The following SMAD2 variants were observed in gnomAD, a reference collection of about 807,000 sequenced individuals.
SMAD2 encodes MAD homolog 2.
Under a neutral mutation model 64.4 loss-of-function variants are expected in SMAD2, and 8 were observed. The ratio of observed to expected loss-of-function variants is 0.12; its 90% CI spans 0.07 to 0.22. SMAD2 has a LOEUF of 0.22. SMAD2 is among the 10% of genes least tolerant of loss of function. The pLI is 1.00. For missense variants in SMAD2, 289 were observed against 561.2 expected (o/e 0.51, Z 4.90); for synonymous variants, 203 against 195.8 (o/e 1.04, Z -0.31).
chr18:47,848,935 ACTTTATGTTGGATT>A (rs1914805654), intron 7 of SMAD2, among the ~76,000 whole-genome samples: 1 of 152,142 alleles, frequency 6.6e-6, no homozygotes, highest in Non-Finnish European at 1.5e-5. Context: ...TCATTAAATC[ACTTTATGTTGGATT>A]CTTTGTTTTA....
chr18:47,904,396 C>A (rs1016135474), intron 1 of SMAD2, among the ~76,000 whole-genome samples: 1 of 151,706 alleles, frequency 6.6e-6, no homozygotes, highest in Non-Finnish European at 1.5e-5. Flanking sequence ...AACTTACTTG[C>A]CCATCTCCCA....
At position 47,840,284 on chromosome 18, in the gene SMAD2, G is replaced by A. The variant is rs576772434; in HGVS notation, c.*1543C>T. 8.6e-6 allele frequency: 2 copies of A among 232,952 alleles called. No homozygotes were observed. Among genetic ancestry groups the A allele is most frequent in the African/African-American group, 2.2e-5 (1 of 45,438 alleles). The allele number at this position is 232,952 out of a possible 1,614,324, so 14.4% of individuals were successfully genotyped here. ...AAAATATGAAAATTTATGAAAAGAC[G>A]ACCAGGAGTGGTTATTTTCCATTTC... On this transcript the variant is annotated 3_prime_UTR_variant, in exon 11 of 11. Coordinates refer to ENST00000262160, the MANE Select transcript of SMAD2 (RefSeq NM_005901.6).
At chr18:47,858,135 A>G (rs2030877093) in intron 6 of SMAD2, among the ~76,000 whole-genome samples, 2 of 152,168 alleles carry the variant, frequency 1.3e-5, no homozygotes, top group Admixed American at 1.3e-4. Context: ...TTAAAAAACA[A>G]GAGATATTCA....
chr18:47,840,020 T>G lies in SMAD2; in HGVS notation c.*1807A>C. 1 of 233,216 alleles carries G rather than the reference T, an allele frequency of 4.3e-6. No homozygotes were observed. Among genetic ancestry groups the G allele is most frequent in the Non-Finnish European group, 8.5e-6 (1 of 118,032 alleles). The allele number at this position is 233,216 out of a possible 1,614,324, so 14.4% of individuals were successfully genotyped here. The stretch of plus-strand genomic sequence containing the variant: ...GCAAAGGCAGGAACTGTAGTTGTCT[T>G]GTTCACCTTTACCCAAAGACTAAGA... On this transcript the variant is annotated 3_prime_UTR_variant, in exon 11 of 11. Coordinates refer to ENST00000262160, the MANE Select transcript of SMAD2 (RefSeq NM_005901.6).
intron 7 of SMAD2, among the ~76,000 whole-genome samples, chr18:47,850,206 AT>A (rs1418446304): frequency 1.1e-5 from 1 of 93,852 alleles, no homozygotes; most frequent in African/African-American, 4.2e-5. Flanking sequence ...GTATATATAT[AT>A]TATTATATAT....
rs529110031 is a variant in SMAD2, at chr18:47,813,807, G to C, written c.*28020C>G. 1 of 142,562 alleles carries C rather than the reference G, an allele frequency of 7.0e-6. No homozygotes were observed. The highest frequency in any genetic ancestry group is 2.3e-4 in the East Asian group (1 of 4,434). 8.8% of individuals were successfully genotyped at this position (142,562 alleles called of 1,614,324 possible). ...AATAATGGATACATTTGGAAGTGCA[G>C]AGCAAAGGCCAGAGAGATATCCAAG... is the stretch of plus-strand genomic sequence containing the variant. On this transcript the variant is annotated 3_prime_UTR_variant, in exon 11 of 11. Coordinates refer to ENST00000262160, the MANE Select transcript of SMAD2 (RefSeq NM_005901.6).
chr18:47,868,010 A>G (rs1265773658), intron 5 of SMAD2, among the ~76,000 whole-genome samples: 3 of 152,138 alleles, frequency 2.0e-5, no homozygotes, highest in Non-Finnish European at 2.9e-5. Flanking sequence ...TTTTGCTTAC[A>G]TTCTGCATCT....
rs186319823 is a variant in SMAD2 at position 47,912,138 on chromosome 18, G to A, written c.-53-15329C>T. The A allele has an allele frequency of 2.0e-5, 3 of 152,350 alleles. No individual in the cohort carries two copies. In the East Asian group the frequency reaches 5.8e-4, roughly 29 times the overall value. The allele number at this position is 152,350 out of a possible 1,614,324, so 9.4% of individuals were successfully genotyped here. On this transcript the variant is annotated intron_variant, in intron 1 of 10. Transcript: ENST00000262160. Reference sequence around the variant, plus strand: ...AGCATGTTTTCTAAAGACAGGAAACGTTTTAGGAGAGACGAAAAATTTAGG... The same window carrying A: ...AGCATGTTTTCTAAAGACAGGAAACATTTTAGGAGAGACGAAAAATTTAGG...
chr18:47,826,453 G>C lies in SMAD2; in HGVS notation c.*15374C>G, dbSNP rs1419227625. The C allele has an allele frequency of 1.3e-5, 2 of 152,220 alleles. No individual in the cohort carries two copies. The highest frequency in any genetic ancestry group is 2.9e-5 in the Non-Finnish European group (2 of 68,052). The allele number at this position is 152,220 out of a possible 1,614,324, so 9.4% of individuals were successfully genotyped here. ...AATGCTAGTTAGCATGAAGCATGCAGACATGAAAGGGAGTTATGGGATTGG... is the reference window on the plus strand; with the variant it reads ...AATGCTAGTTAGCATGAAGCATGCACACATGAAAGGGAGTTATGGGATTGG... On this transcript the variant is annotated 3_prime_UTR_variant, in exon 11 of 11. Coordinates refer to ENST00000262160, the MANE Select transcript of SMAD2 (RefSeq NM_005901.6).
chr18:47,868,777 T>C (rs889405126), intron 4 of SMAD2, among the ~76,000 whole-genome samples: 4 of 152,218 alleles, frequency 2.6e-5, no homozygotes, highest in African/African-American at 4.8e-5. Flanking sequence ...AAATCAGATA[T>C]AGGAAATTTT....
intron 2 of SMAD2, among the ~76,000 whole-genome samples, chr18:47,871,764 C>T (rs1017250033): frequency 6.6e-6 from 1 of 152,140 alleles, no homozygotes; most frequent in Non-Finnish European, 1.5e-5. Context: ...CAAAGATATA[C>T]TGATTTAAAA....
At chr18:47,897,191 T>C (rs181664595) in intron 1 of SMAD2, among the ~76,000 whole-genome samples, 14 of 152,288 alleles carry the variant, frequency 9.2e-5, no homozygotes, top group Middle Eastern at 3.4e-3. Flanking sequence ...CAAAAATACA[T>C]TGAAAATTTG....
rs953247378 is a variant in SMAD2 at position 47,824,804 on chromosome 18, A to G, written c.*17023T>C. ...CACCAAACTTAAATAGACTAATAACACAGATCTTCTGTGGTCCACAAATCA... is the reference window on the plus strand; with the variant it reads ...CACCAAACTTAAATAGACTAATAACGCAGATCTTCTGTGGTCCACAAATCA... On this transcript the variant is annotated 3_prime_UTR_variant, in exon 11 of 11. Coordinates refer to ENST00000262160, the MANE Select transcript of SMAD2 (RefSeq NM_005901.6). The G allele has an allele frequency of 6.6e-6, 1 of 152,202 alleles. No homozygotes were observed. The highest frequency in any genetic ancestry group is 6.5e-5 in the Admixed American group (1 of 15,290). The allele number at this position is 152,202 out of a possible 1,614,324, so 9.4% of individuals were successfully genotyped here. A position where few individuals can be genotyped will look rare whatever the true frequency, so the allele number is the denominator to read the frequency against.
rs1912739078 is a variant in SMAD2, at chr18:47,825,975, G to A, written c.*15852C>T. ...GCATTAATGTAAATGTTCACATTAAGAGAAAACGGTTTCCCTGAATTGAGT... is the reference window on the plus strand; with the variant it reads ...GCATTAATGTAAATGTTCACATTAAAAGAAAACGGTTTCCCTGAATTGAGT... On this transcript the variant is annotated 3_prime_UTR_variant, in exon 11 of 11. Transcript: ENST00000262160. 1 of 152,202 alleles carries A rather than the reference G, an allele frequency of 6.6e-6. No homozygotes were observed. The highest frequency in any genetic ancestry group is 2.1e-4 in the South Asian group (1 of 4,830). The allele number at this position is 152,202 out of a possible 1,614,324, so 9.4% of individuals were successfully genotyped here. A position where few individuals can be genotyped will look rare whatever the true frequency, so the allele number is the denominator to read the frequency against.
intron 1 of SMAD2, among the ~76,000 whole-genome samples, chr18:47,919,754 G>A (rs1046532217): frequency 2.0e-5 from 3 of 152,020 alleles, no homozygotes; most frequent in Admixed American, 1.3e-4. Flanking sequence ...AATGGATGGG[G>A]GTGACTGATG....
chr18:47,857,839 C>T (rs1040300296), intron 6 of SMAD2, among the ~76,000 whole-genome samples: 6 of 152,186 alleles, frequency 3.9e-5, no homozygotes, highest in Non-Finnish European at 5.9e-5. Flanking sequence ...TAGCTGAGTA[C>T]ATGTTAGCAT....
rs1351902087 is a variant in SMAD2 at position 47,816,143 on chromosome 18, C to T, written c.*25684G>A. The T allele has an allele frequency of 6.6e-6, 1 of 152,128 alleles. No individual in the cohort carries two copies. The highest frequency in any genetic ancestry group is 1.5e-5 in the Non-Finnish European group (1 of 68,014). 9.4% of individuals were successfully genotyped at this position (152,128 alleles called of 1,614,324 possible). The stretch of plus-strand genomic sequence containing the variant: ...CAGCTTCCCTTGAAAATGTTAGCTC[C>T]CATGCCACATTTAGTCAAGACAACA... On this transcript the variant is annotated 3_prime_UTR_variant, in exon 11 of 11. Coordinates refer to ENST00000262160, the MANE Select transcript of SMAD2 (RefSeq NM_005901.6).
chr18:47,909,986 G>C (rs2034061205), intron 1 of SMAD2, among the ~76,000 whole-genome samples: 1 of 152,104 alleles, frequency 6.6e-6, no homozygotes, highest in African/African-American at 2.4e-5. Flanking sequence ...AACTCTGATA[G>C]AGTGTCATCA....
intron 1 of SMAD2, among the ~76,000 whole-genome samples, chr18:47,917,559 C>T (rs1243480121): frequency 6.6e-6 from 1 of 152,164 alleles, no homozygotes; most frequent in Non-Finnish European, 1.5e-5. Flanking sequence ...CTGCCTTATA[C>T]TGGAGTGATC....
Sources: gnomAD v4.1 joint callset for allele counts (sites outside exome capture counted in the v4.1 genomes callset) on GRCh38, gnomAD v4.1.1 for gene constraint, MANE v1.5 for transcripts, NCBI Gene and HGNC (gene_info 2026-07-23, HGNC 2026-07-21) for gene names.